The following ARB2A variants were observed in gnomAD, a reference collection of about 807,000 sequenced individuals.
ARB2A encodes the protein cotranscriptional regulator ARB2A.
At chr5:94,102,359 A>G in the ARB2A span, among the ~76,000 whole-genome samples, 2 of 152,140 alleles carry the variant, frequency 1.3e-5, no homozygotes, top group African/African-American at 2.4e-5. Flanking sequence ...ATGAAAAACT[A>G]AAAGAATTTC....
chr5:94,093,133 T>G, the ARB2A span, among the ~76,000 whole-genome samples: 1 of 152,186 alleles, frequency 6.6e-6, no homozygotes, highest in Non-Finnish European at 1.5e-5. Context: ...AAGTCTTCAT[T>G]GAGGTCCTTC....
the ARB2A span, among the ~76,000 whole-genome samples, chr5:93,797,789 G>C: frequency 6.6e-6 from 1 of 152,142 alleles, no homozygotes; most frequent in Non-Finnish European, 1.5e-5. Context: ...AAGTGAAATA[G>C]ACATGGCACA....
chr5:94,094,295 T>C, the ARB2A span, among the ~76,000 whole-genome samples: 9 of 152,168 alleles, frequency 5.9e-5, no homozygotes, highest in African/African-American at 2.2e-4. Flanking sequence ...TTGCAGATTT[T>C]TGCTTTCTCA....
At chr5:93,860,078 A>C in the ARB2A span, among the ~76,000 whole-genome samples, 1 of 152,172 alleles carries the variant, frequency 6.6e-6, no homozygotes, top group Non-Finnish European at 1.5e-5. Flanking sequence ...ATGGATCACG[A>C]GGTCAGGAGT....
chr5:93,655,026 C>A, the ARB2A span, among the ~76,000 whole-genome samples: 1 of 152,170 alleles, frequency 6.6e-6, no homozygotes, highest in Non-Finnish European at 1.5e-5. Context: ...CTAGTCCTAA[C>A]ACTTTCTAGC....
the ARB2A span, among the ~76,000 whole-genome samples, chr5:93,841,824 G>C: frequency 6.6e-6 from 1 of 152,162 alleles, no homozygotes; most frequent in Admixed American, 6.5e-5. Flanking sequence ...AAAGGGATGC[G>C]AGTGTTGCTT....
the ARB2A span, among the ~76,000 whole-genome samples, chr5:93,867,589 T>C: frequency 6.6e-6 from 1 of 152,102 alleles, no homozygotes; most frequent in African/African-American, 2.4e-5. Flanking sequence ...AGCTAATTTT[T>C]GTATTTTGAG....
At chr5:94,012,203 C>A in the ARB2A span, among the ~76,000 whole-genome samples, 1 of 152,070 alleles carries the variant, frequency 6.6e-6, no homozygotes, top group Non-Finnish European at 1.5e-5. Context: ...GAGATCAAGA[C>A]CATCCTGGCT....
chr5:94,063,922 ATG>A, the ARB2A span, among the ~76,000 whole-genome samples: 7 of 152,342 alleles, frequency 4.6e-5, no homozygotes, highest in African/African-American at 1.4e-4. Flanking sequence ...CCAGATATCA[ATG>A]TAAATATATA....
chr5:93,905,531 AACTGTAATTTTAAAATAAGCCTAATCT>A, the ARB2A span, among the ~76,000 whole-genome samples: 4 of 151,784 alleles, frequency 2.6e-5, no homozygotes, highest in East Asian at 7.7e-4. Flanking sequence ...TAACGATAAA[AACTGTAATTTTAAAATAAGCCTAATCT>A]AGTTAGCTGT....
the ARB2A span, among the ~76,000 whole-genome samples, chr5:93,915,374 G>A: frequency 6.6e-6 from 1 of 151,524 alleles, no homozygotes; most frequent in Non-Finnish European, 1.5e-5. Context: ...CTGTGCCCTT[G>A]CTTTCACTTA....
chr5:93,901,374 C>T, the ARB2A span, among the ~76,000 whole-genome samples: 2 of 152,120 alleles, frequency 1.3e-5, no homozygotes, highest in African/African-American at 2.4e-5. Context: ...AAGGAGTGCA[C>T]AGGTAGACAG....
chr5:93,749,181 CT>C, the ARB2A span, among the ~76,000 whole-genome samples: 1 of 152,092 alleles, frequency 6.6e-6, no homozygotes, highest in African/African-American at 2.4e-5. Flanking sequence ...TCAAGTCTCT[CT>C]TTTGATCATC....
chr5:94,071,963 C>A, the ARB2A span, among the ~76,000 whole-genome samples: 39 of 152,086 alleles, frequency 2.6e-4, no homozygotes, highest in Admixed American at 3.9e-4. Context: ...GGAATCAATC[C>A]AAATGCCCTA....
At chr5:93,812,460 T>C in the ARB2A span, among the ~76,000 whole-genome samples, 137,871 of 152,172 alleles carry the variant, frequency 0.91, 62,912 homozygotes, top group East Asian at 1. Flanking sequence ...TCAACATTTA[T>C]ACTTATAAAG....
chr5:94,106,870 GA>G, the ARB2A span, among the ~76,000 whole-genome samples: 3,281 of 57,510 alleles, frequency 0.057, 69 homozygotes, highest in African/African-American at 0.17. Context: ...AATCAATGCA[GA>G]AAAAAAAAAA....
At chr5:93,874,637 A>C in the ARB2A span, among the ~76,000 whole-genome samples, 1 of 152,346 alleles carries the variant, frequency 6.6e-6, no homozygotes, top group Middle Eastern at 3.4e-3. Flanking sequence ...CAAGTTATTG[A>C]AACTGAGGAG....
At chr5:93,865,841 T>G in the ARB2A span, 3 of 985,390 alleles carry the variant, frequency 3.0e-6, no homozygotes, top group African/African-American at 5.2e-5. Context: ...CAGGTGATAT[T>G]TATACAATTT....
the ARB2A span, among the ~76,000 whole-genome samples, chr5:93,633,666 C>G: frequency 2.0e-4 from 30 of 152,296 alleles, no homozygotes; most frequent in Non-Finnish European, 3.7e-4. Flanking sequence ...CAGGCCCACA[C>G]TGACAAAAGC....
Sources: gnomAD v4.1 joint callset for allele counts (sites outside exome capture counted in the v4.1 genomes callset) on GRCh38, gnomAD v4.1.1 for gene constraint, MANE v1.5 for transcripts, NCBI Gene and HGNC (gene_info 2026-07-23, HGNC 2026-07-21) for gene names.